RAD51B: variants seen among roughly 807,000 people sequenced by gnomAD.
RAD51B encodes the protein DNA repair protein RAD51 homolog 2.
RAD51B carries 38 observed loss-of-function variants against 42.2 expected under a neutral mutation model. The observed-to-expected ratio is 0.90, with a 90% CI of 0.70 to 1.18. The LOEUF (loss-of-function observed/expected upper bound fraction) is 1.18, where lower values mean the gene tolerates loss of function less well. Among genes scored for constraint, RAD51B ranks in the 50% most tolerant of loss-of-function variants. The probability of loss-of-function intolerance (pLI) is 0.00; values close to 1 mark genes in which losing one functional copy is unlikely to be tolerated. For missense variants in RAD51B, 373 were observed against 400.7 expected (o/e 0.93, Z 0.59); for synonymous variants, 154 against 145.2 (o/e 1.06, Z -0.43).
At chr14:68,424,492 C>G (rs936479179) in intron 9 of RAD51B, among the ~76,000 whole-genome samples, 1 of 152,192 alleles carries the variant, frequency 6.6e-6, no homozygotes, top group African/African-American at 2.4e-5. Context: ...AAGCTGTTCT[C>G]TCTTATTTGT....
chr14:67,832,112 A>T (rs1317207058), intron 3 of RAD51B, among the ~76,000 whole-genome samples: 1 of 152,246 alleles, frequency 6.6e-6, no homozygotes, highest in African/African-American at 2.4e-5. Flanking sequence ...AATATTATGT[A>T]GGCACTAAAA....
intron 10 of RAD51B, among the ~76,000 whole-genome samples, chr14:68,564,266 C>T (rs553631477): frequency 1.3e-5 from 2 of 152,234 alleles, no homozygotes; most frequent in Non-Finnish European, 2.9e-5. Flanking sequence ...TACAAATCTT[C>T]GTGCTTCTCA....
chr14:68,554,056 G>A (rs373601393), intron 10 of RAD51B, among the ~76,000 whole-genome samples: 36 of 152,104 alleles, frequency 2.4e-4, no homozygotes, highest in African/African-American at 8.2e-4. Flanking sequence ...AATCTCATAG[G>A]GTATTACTAA....
At chr14:68,605,245 A>C (rs555481291) in intron 10 of RAD51B, among the ~76,000 whole-genome samples, 1 of 152,388 alleles carries the variant, frequency 6.6e-6, no homozygotes, top group African/African-American at 2.4e-5. Flanking sequence ...TGTTATATGT[A>C]AAATATTTGT....
intron 7 of RAD51B, among the ~76,000 whole-genome samples, chr14:68,219,321 T>C (rs1266343267): frequency 6.6e-6 from 1 of 152,208 alleles, no homozygotes; most frequent in African/African-American, 2.4e-5. Context: ...TCCCATTCAA[T>C]TGCATCCTCT....
At chr14:68,541,789 G>A in intron 10 of RAD51B, 1 of 985,388 alleles carries the variant, frequency 1.0e-6, no homozygotes, top group East Asian at 1.1e-4. Context: ...ACTTAAAAAT[G>A]ACTTTAAATG....
chr14:68,500,297 G>A (rs1470321042), intron 10 of RAD51B, among the ~76,000 whole-genome samples: 4 of 152,190 alleles, frequency 2.6e-5, no homozygotes, highest in Non-Finnish European at 4.4e-5. Context: ...AATCCTACAT[G>A]GTTGCTATTC....
At chr14:68,149,138 C>G (rs1402760128) in intron 7 of RAD51B, among the ~76,000 whole-genome samples, 1 of 152,096 alleles carries the variant, frequency 6.6e-6, no homozygotes, top group African/African-American at 2.4e-5. Context: ...TAAAAATTTT[C>G]TCCCAATATT....
At chr14:68,420,728 C>G (rs1242542351) in intron 9 of RAD51B, among the ~76,000 whole-genome samples, 6 of 152,202 alleles carry the variant, frequency 3.9e-5, no homozygotes, top group Admixed American at 3.9e-4. Flanking sequence ...GCTTTATCAG[C>G]AATGTCTTTG....
intron 7 of RAD51B, among the ~76,000 whole-genome samples, chr14:68,259,175 C>G (rs950447029): frequency 6.6e-5 from 10 of 152,256 alleles, no homozygotes; most frequent in African/African-American, 2.4e-4. Context: ...AAGCTCTGCC[C>G]TGTCATGGCC....
intron 7 of RAD51B, among the ~76,000 whole-genome samples, chr14:67,974,205 A>G (rs2140256221): frequency 6.6e-6 from 1 of 152,238 alleles, no homozygotes; most frequent in African/African-American, 2.4e-5. Context: ...GACCTTGACT[A>G]GTGTTCTAAG....
intron 7 of RAD51B, among the ~76,000 whole-genome samples, chr14:67,959,035 C>A (rs529358762): frequency 6.6e-6 from 1 of 152,220 alleles, no homozygotes; most frequent in East Asian, 1.9e-4. Flanking sequence ...TATTGGAGTC[C>A]ATTTTTCACA....
intron 7 of RAD51B, among the ~76,000 whole-genome samples, chr14:67,967,074 CT>C (rs2074794854): frequency 6.6e-6 from 1 of 152,136 alleles, no homozygotes; most frequent in Non-Finnish European, 1.5e-5. Context: ...GCGAAAGGCA[CT>C]TCTTCCATGG....
At chr14:68,005,212 C>A (rs1468474174) in intron 7 of RAD51B, among the ~76,000 whole-genome samples, 1 of 151,810 alleles carries the variant, frequency 6.6e-6, no homozygotes, top group Non-Finnish European at 1.5e-5. Context: ...TGCCACCACG[C>A]CCAGCTAATT....
intron 7 of RAD51B, among the ~76,000 whole-genome samples, chr14:68,148,588 A>G (rs1166170472): frequency 1.3e-5 from 2 of 152,250 alleles, no homozygotes; most frequent in East Asian, 1.9e-4. Flanking sequence ...AGCAATATGC[A>G]TGCAGTAGAA....
intron 10 of RAD51B, among the ~76,000 whole-genome samples, chr14:68,564,117 G>A (rs1889299733): frequency 6.6e-6 from 1 of 152,194 alleles, no homozygotes; most frequent in Non-Finnish European, 1.5e-5. Context: ...GGAAAGGGGT[G>A]ATTTGCGTCT....
intron 7 of RAD51B, among the ~76,000 whole-genome samples, chr14:68,052,786 A>AT (rs2076414799): frequency 6.8e-6 from 1 of 146,962 alleles, no homozygotes; most frequent in Non-Finnish European, 1.5e-5. Context: ...ATGCCTGGCT[A>AT]TTTTTTTGTG....
intron 8 of RAD51B, among the ~76,000 whole-genome samples, chr14:68,374,396 TC>T (rs2083323213): frequency 6.6e-6 from 1 of 152,210 alleles, no homozygotes; most frequent in Admixed American, 6.5e-5. Context: ...TGAGAAGGAA[TC>T]AGTGAAGGCA....
intron 7 of RAD51B, among the ~76,000 whole-genome samples, chr14:68,231,763 C>T (rs1364272974): frequency 6.6e-6 from 1 of 152,154 alleles, no homozygotes; most frequent in Admixed American, 6.5e-5. Flanking sequence ...AAAGCTTTGC[C>T]TAACCCTATT....
Sources: allele counts gnomAD v4.1 joint callset (sites outside exome capture counted in the v4.1 genomes callset), GRCh38; gene constraint gnomAD v4.1.1; transcripts MANE v1.5; gene names NCBI Gene and HGNC (gene_info 2026-07-23, HGNC 2026-07-21).